Variants in PDLIM7 observed in about 807,000 individuals in gnomAD.
PDLIM7 encodes PDZ and LIM domain 7.
A neutral mutation model predicts 53.9 loss-of-function variants in PDLIM7; 37 were observed. That is an observed-to-expected ratio of 0.69 (90% CI 0.53 to 0.90). The LOEUF is 0.90. Ranked by LOEUF, PDLIM7 falls within the 40% of genes least tolerant of loss-of-function variation. The pLI is 0.00. For synonymous variants in PDLIM7, 300 were observed against 261.3 expected, an observed-to-expected ratio of 1.15 and a Z score of -1.43; for missense variants, 617 against 638.5, an observed-to-expected ratio of 0.97 and a Z score of 0.36.
chr5:177,491,634 G>A lies in PDLIM7; in HGVS notation c.398+173C>T, dbSNP rs986091263. On this transcript the variant is annotated intron_variant, in intron 5 of 12. Transcript: ENST00000355841. ...TCCCCAGGGCGGTGCCCTGCAAGGCGCCACAGCCTCGGGAGGGGCCCTGTG... is the reference window on the plus strand; with the variant it reads ...TCCCCAGGGCGGTGCCCTGCAAGGCACCACAGCCTCGGGAGGGGCCCTGTG... The A allele has an allele frequency of 3.1e-5, 19 of 620,896 alleles. No homozygotes were observed. In the African/African-American group the frequency reaches 3.4e-4, roughly 11 times the overall value. 38.5% of individuals were successfully genotyped at this position (620,896 alleles called of 1,614,324 possible). A position where few individuals can be genotyped will look rare whatever the true frequency, so the allele number is the denominator to read the frequency against.
At chr5:177,490,133 A>G in intron 7 of PDLIM7, 1 of 1,487,540 alleles carries the variant, frequency 6.7e-7, no homozygotes, top group Non-Finnish European at 9.0e-7. Context: ...TTTGCCAGGT[A>G]CCCCCTCCCA....
intron 2 of PDLIM7, among the ~76,000 whole-genome samples, chr5:177,494,392 T>A (rs182415063): frequency 6.6e-6 from 1 of 152,122 alleles, no homozygotes; most frequent in Non-Finnish European, 1.5e-5. Flanking sequence ...TTATACTGTG[T>A]ATGGGGAAGT....
chr5:177,486,763 C>A (rs188076908), intron 10 of PDLIM7, among the ~76,000 whole-genome samples: 1 of 151,908 alleles, frequency 6.6e-6, no homozygotes, highest in Admixed American at 6.6e-5. Context: ...CTCAGCCTCC[C>A]GAGTAGCTGG....
chr5:177,494,520 G>C (rs1402774404), intron 2 of PDLIM7, among the ~76,000 whole-genome samples: 1 of 149,574 alleles, frequency 6.7e-6, no homozygotes, highest in East Asian at 2.1e-4. Context: ...CTGAGCCCGA[G>C]GTGGGGGTCT....
At chr5:177,490,340 C>T in intron 7 of PDLIM7, 3 of 1,451,810 alleles carry the variant, frequency 2.1e-6, no homozygotes, top group Non-Finnish European at 2.7e-6. Flanking sequence ...TCAGATGAAC[C>T]CAGGTGGGCG....
In PDLIM7 at chr5:177,489,424, G is replaced by T. The variant is rs1391520577; in HGVS notation, c.838C>A (p.Pro280Thr). ...PGGGSNNGKT[P>T]VCHQCHKVIR... ...ACCTTGTGGCACTGGTGACACACGG[G>T]AGTCTTGCCGTTGTTGCTGCCCCCT... The change falls in exon 9 of 13, where the codon CCC (proline) becomes ACC (threonine). Residue 280 changes from proline (P) to threonine (T), a missense_variant. Coordinates refer to ENST00000355841, the MANE Select transcript of PDLIM7 (RefSeq NM_005451.5). The T allele has an allele frequency of 3.8e-6, 6 of 1,598,316 alleles. No homozygotes were observed. In the Admixed American group the frequency reaches 1.0e-4, roughly 28 times the overall value.
At chr5:177,487,755 C>T (rs1231354354) in intron 10 of PDLIM7, 7 of 257,132 alleles carry the variant, frequency 2.7e-5, no homozygotes, top group Admixed American at 5.0e-5. Context: ...GCAGCTTCAG[C>T]GTGTCAAGTT....
chr5:177,489,483 G>C lies in PDLIM7; in HGVS notation c.779C>G (p.Ser260Cys), dbSNP rs763104430. The C allele has an allele frequency of 6.2e-7, 1 of 1,607,454 alleles. No individual in the cohort carries two copies. Among genetic ancestry groups the C allele is most frequent in the South Asian group, 1.1e-5 (1 of 89,754 alleles). Reference protein sequence around the residue: ...ATPTPLQSRTSIVQAAAGGVP... With the variant: ...ATPTPLQSRTCIVQAAAGGVP... ...CCCTCCGGCAGCTGCCTGCACAATG[G>C]AGGTGCGGCTCTGCAGCGGCGTGGG... is the stretch of plus-strand genomic sequence containing the variant. Residue 260 changes from serine (S) to cysteine (C), a missense_variant, in exon 9 of 13, where the codon TCC (serine) becomes TGC (cysteine). Coordinates refer to ENST00000355841, the MANE Select transcript of PDLIM7 (RefSeq NM_005451.5).
intron 4 of PDLIM7, 65 bp downstream of exon 4, chr5:177,492,340 G>A: frequency 1.3e-6 from 2 of 1,582,372 alleles, no homozygotes; most frequent in South Asian, 1.1e-5. Context: ...TGCCAGGAGG[G>A]CGAGCAGGCC....
intron 7 of PDLIM7, 168 bp downstream of exon 7, chr5:177,490,702 G>A: frequency 1.1e-6 from 1 of 930,352 alleles, no homozygotes; most frequent in Non-Finnish European, 1.7e-6. Flanking sequence ...AAGAAGGAAG[G>A]AAGGAGGAAG....
chr5:177,492,125 G>C (rs939824943), intron 4 of PDLIM7, 200 bp from the exon 5 acceptor site: 3 of 565,482 alleles, frequency 5.3e-6, no homozygotes, highest in Non-Finnish European at 9.3e-6. Context: ...CTCAGTCCAC[G>C]CAGGACCGAG....
At chr5:177,496,377 A>T in intron 2 of PDLIM7, 40 bp downstream of exon 2, 1 of 1,468,110 alleles carries the variant, frequency 6.8e-7, no homozygotes, top group Non-Finnish European at 9.1e-7. Flanking sequence ...TAAGCACCGA[A>T]AGACCGCTGG....
rs748619940 is a variant in PDLIM7, at chr5:177,489,469, C to T, written c.793G>A (p.Ala265Thr). Residue 265 changes from alanine to threonine, a missense_variant, in exon 9 of 13, where the codon GCT (alanine) becomes ACT (threonine). Physicochemically the swap from Ala to Thr is moderately conservative, Grantham distance 58 (BLOSUM62 0). Transcript: ENST00000355841. ...CCCCCTCCTGGCACCCCTCCGGCAG[C>T]TGCCTGCACAATGGAGGTGCGGCTC... ...LQSRTSIVQA[A>T]AGGVPGGGSN... 6.2e-7 allele frequency: 1 copy of T among 1,605,822 alleles called. No individual in the cohort carries two copies. Among genetic ancestry groups the T allele is most frequent in the Non-Finnish European group, 8.5e-7 (1 of 1,177,012 alleles).
At position 177,491,883 on chromosome 5, in the gene PDLIM7, G is replaced by C; in HGVS notation, c.322C>G (p.Pro108Ala). ...GCCGTCTTGTTGAGGGAGACGCTGG[G>C]TGCAAAGGTGTACCGCGGAGGGTCC... ...AADPPRYTFA[P>A]SVSLNKTARP... is the part of the protein sequence containing the mutation. The change falls in exon 5 of 13, where the codon CCC (proline) becomes GCC (alanine). Residue 108 changes from proline (P) to alanine (A), a missense_variant. By Grantham distance (27) the Pro-to-Ala change is conservative (BLOSUM62 -1). Coordinates refer to ENST00000355841, the MANE Select transcript of PDLIM7 (RefSeq NM_005451.5). The C allele has an allele frequency of 7.8e-7, 1 of 1,284,040 alleles. No individual in the cohort carries two copies. Among genetic ancestry groups the C allele is most frequent in the African/African-American group, 1.6e-5 (1 of 64,506 alleles). 79.5% of individuals were successfully genotyped at this position (1,284,040 alleles called of 1,614,324 possible).
At position 177,489,790 on chromosome 5, in the gene PDLIM7, T is replaced by A; in HGVS notation, c.615A>T (p.Thr205=). 6.3e-7 allele frequency: 1 copy of A among 1,577,528 alleles called. No individual in the cohort carries two copies. ...TCTCACCAGGCCAGGGCTCCTGGGG[T>A]GTAGATGAGGCTGGGGCTGGGGCTT... is the stretch of plus-strand genomic sequence containing the variant. ...RTEAPAPASS[T]PQEPWPGPTA... Residue 205 remains threonine (T), a synonymous_variant, in exon 8 of 13, where the codon ACA becomes ACT. Coordinates refer to ENST00000355841, the MANE Select transcript of PDLIM7 (RefSeq NM_005451.5).
In PDLIM7 at chr5:177,489,463, C is replaced by G. The variant is rs562937085; in HGVS notation, c.799G>C (p.Gly267Arg). 12 of 1,604,808 alleles carry G rather than the reference C, an allele frequency of 7.5e-6. No individual in the cohort carries two copies. The highest frequency in any genetic ancestry group is 1.0e-5 in the Non-Finnish European group (12 of 1,176,514). The change falls in exon 9 of 13, where the codon GGA (glycine) becomes CGA (arginine). Residue 267 changes from glycine (G) to arginine (R), a missense_variant. By Grantham distance (125) the Gly-to-Arg change is moderately radical. Coordinates refer to ENST00000355841, the MANE Select transcript of PDLIM7 (RefSeq NM_005451.5). Reference sequence around the variant, plus strand: ...TTGCTGCCCCCTCCTGGCACCCCTCCGGCAGCTGCCTGCACAATGGAGGTG... The same window carrying G: ...TTGCTGCCCCCTCCTGGCACCCCTCGGGCAGCTGCCTGCACAATGGAGGTG... ...SRTSIVQAAA[G>R]GVPGGGSNNG... is the part of the protein sequence containing the mutation.
At position 177,483,933 on chromosome 5, in the gene PDLIM7, G is replaced by A. The variant is rs1007014793; in HGVS notation, c.1221C>T (p.Ile407=). 12 of 1,613,794 alleles carry A rather than the reference G, an allele frequency of 7.4e-6. No individual in the cohort carries two copies. In the Admixed American group the frequency reaches 1.0e-4, roughly 13 times the overall value. ...CCTCCAGGAAGCGGTCCCCAGCGTC[G>A]ATCTTGAAGTCACAGCCATGGCATT... is the stretch of plus-strand genomic sequence containing the variant. ...GTKCHGCDFK[I]DAGDRFLEAL... Residue 407 remains isoleucine (I), a synonymous_variant, in exon 12 of 13, where the codon ATC becomes ATT. Transcript: ENST00000355841.
intron 4 of PDLIM7, 102 bp downstream of exon 4, chr5:177,492,303 C>G (rs1238280787): frequency 1.4e-6 from 2 of 1,460,746 alleles, no homozygotes; most frequent in East Asian, 4.9e-5. Flanking sequence ...CCTCCACTCC[C>G]GGCCAGGGAT....
At chr5:177,490,780 C>T (rs1758727044) in intron 7 of PDLIM7, 90 bp downstream of exon 7, 1 of 1,400,416 alleles carries the variant, frequency 7.1e-7, no homozygotes, top group Admixed American at 1.7e-5. Context: ...AATTGAGAGC[C>T]CCAGCTGGGA....
Sources: allele counts gnomAD v4.1 joint callset (sites outside exome capture counted in the v4.1 genomes callset), GRCh38; gene constraint gnomAD v4.1.1; transcripts MANE v1.5; gene names NCBI Gene and HGNC (gene_info 2026-07-23, HGNC 2026-07-21).